TTC29: variants seen among roughly 807,000 people sequenced by gnomAD.
TTC29 encodes tetratricopeptide repeat protein 29.
Under a neutral mutation model 58.1 loss-of-function variants are expected in TTC29, and 49 were observed. That is an observed-to-expected ratio of 0.84 (90% CI 0.67 to 1.07). The LOEUF is 1.07. TTC29 is among the 50% of genes least tolerant of loss of function. The probability of loss-of-function intolerance (pLI) is 0.00; values close to 1 mark genes in which losing one functional copy is unlikely to be tolerated. For synonymous variants in TTC29, 209 were observed against 196.8 expected (o/e 1.06, Z -0.52); for missense variants, 582 against 555.6 (o/e 1.05, Z -0.48).
intron 11 of TTC29, among the ~76,000 whole-genome samples, chr4:146,745,457 C>T (rs1334508656): frequency 6.6e-6 from 1 of 152,130 alleles, no homozygotes; most frequent in Non-Finnish European, 1.5e-5. Flanking sequence ...TGGTTCTCTG[C>T]AGGGTGCAGC....
chr4:146,759,506 C>T (rs1365793634), intron 11 of TTC29, among the ~76,000 whole-genome samples: 2 of 152,058 alleles, frequency 1.3e-5, no homozygotes, highest in Admixed American at 6.6e-5. Flanking sequence ...AGACTGATAT[C>T]CTTGACGAAT....
intron 11 of TTC29, among the ~76,000 whole-genome samples, chr4:146,760,287 A>G (rs1323704790): frequency 1.3e-5 from 2 of 152,102 alleles, no homozygotes; most frequent in Non-Finnish European, 1.5e-5. Flanking sequence ...GAAATCATAG[A>G]TGATACAAAC....
At chr4:146,919,707 G>T (rs1734460048) in intron 4 of TTC29, among the ~76,000 whole-genome samples, 1 of 150,876 alleles carries the variant, frequency 6.6e-6, no homozygotes. Flanking sequence ...AAATTTTATT[G>T]TTTGGAAAAC....
chr4:146,875,237 A>G (rs1205254229), intron 6 of TTC29, among the ~76,000 whole-genome samples: 1 of 152,168 alleles, frequency 6.6e-6, no homozygotes. Context: ...ATATTGGCTA[A>G]TATTTCTTTA....
rs537752722 is a variant in TTC29, at chr4:146,714,455, T to C, written c.1331-6904A>G. ...CAGCCTAATAGACATTTACTGGCAT[T>C]ATAAAAAGGAGATTGAGAAAGAATT... On this transcript the variant is annotated intron_variant, in intron 11 of 12. Coordinates refer to ENST00000325106, the MANE Select transcript of TTC29 (RefSeq NM_031956.4). Among the ~76,000 whole-genome samples, 7 of 152,100 alleles carry C rather than the reference T, an allele frequency of 4.6e-5. No individual in the cohort carries two copies. In the East Asian group the frequency reaches 1.4e-3, roughly 29 times the overall value.
chr4:146,891,546 C>A (rs1732364023), intron 6 of TTC29, among the ~76,000 whole-genome samples: 1 of 152,120 alleles, frequency 6.6e-6, no homozygotes, highest in Admixed American at 6.6e-5. Flanking sequence ...ATGTTGAAAC[C>A]ATCACCATCA....
intron 11 of TTC29, among the ~76,000 whole-genome samples, chr4:146,740,394 A>G (rs148077289): frequency 1.3e-5 from 2 of 152,334 alleles, no homozygotes; most frequent in African/African-American, 4.8e-5. Context: ...TGGAAAATAG[A>G]TAACAGGGAA....
chr4:146,739,849 C>T (rs1049310957), intron 11 of TTC29, among the ~76,000 whole-genome samples: 1 of 152,156 alleles, frequency 6.6e-6, no homozygotes, highest in Admixed American at 6.5e-5. Context: ...GATTTGTCTT[C>T]TCTCTGTTTG....
intron 11 of TTC29, among the ~76,000 whole-genome samples, chr4:146,750,863 C>T (rs189258393): frequency 2.8e-4 from 42 of 152,212 alleles, no homozygotes; most frequent in Middle Eastern, 3.4e-3. Context: ...TAAGTCTTTA[C>T]CTATATCGAT....
chr4:146,940,002 G>C lies in TTC29; in HGVS notation c.-6-101C>G, dbSNP rs187879020. The C allele has an allele frequency of 1.9e-5, 22 of 1,142,262 alleles. No homozygotes were observed. In the African/African-American group the frequency reaches 2.7e-4, roughly 14 times the overall value. 70.8% of individuals were successfully genotyped at this position (1,142,262 alleles called of 1,614,324 possible). A position where few individuals can be genotyped will look rare whatever the true frequency, so the allele number is the denominator to read the frequency against. On this transcript the variant is annotated intron_variant, in intron 2 of 12. Coordinates refer to ENST00000325106, the MANE Select transcript of TTC29 (RefSeq NM_031956.4). ...ATTTACAGTCTGTCATCTTAGTTGA[G>C]AATGCCTATGTGTAGTGCTACAGCT...
chr4:146,810,869 A>ATGTTT (rs10625154), intron 10 of TTC29, among the ~76,000 whole-genome samples: 9,349 of 151,930 alleles, frequency 0.062, 386 homozygotes, highest in Admixed American at 0.13. Flanking sequence ...TGGGATTACT[A>ATGTTT]TGTTTTGTTT....
chr4:146,741,913 AG>A (rs1745182552), intron 11 of TTC29, among the ~76,000 whole-genome samples: 1 of 152,212 alleles, frequency 6.6e-6, no homozygotes, highest in South Asian at 2.1e-4. Flanking sequence ...AGAACTTATC[AG>A]ATTCTACTAG....
intron 8 of TTC29, among the ~76,000 whole-genome samples, chr4:146,865,516 C>T (rs541230448): frequency 3.8e-4 from 58 of 152,198 alleles, no homozygotes; most frequent in African/African-American, 1.3e-3. Flanking sequence ...CAATAGACGA[C>T]TAGAGGGAGG....
chr4:146,942,499 T>G, intron 2 of TTC29: 1 of 716,812 alleles, frequency 1.4e-6, no homozygotes, highest in Non-Finnish European at 2.2e-6. Flanking sequence ...GGCAGCATCA[T>G]ACAGAGCATA....
intron 6 of TTC29, among the ~76,000 whole-genome samples, chr4:146,881,945 G>T (rs187752638): frequency 6.6e-6 from 1 of 151,996 alleles, no homozygotes; most frequent in African/African-American, 2.4e-5. Flanking sequence ...GTTTAAAAAC[G>T]GAATCCTCTC....
At chr4:146,846,023 C>A (rs1296637009) in intron 8 of TTC29, among the ~76,000 whole-genome samples, 8 of 152,050 alleles carry the variant, frequency 5.3e-5, no homozygotes, top group Non-Finnish European at 7.4e-5. Context: ...TATTGTAGAG[C>A]CCTTGGGAGG....
At chr4:146,751,631 A>C (rs1451882547) in intron 11 of TTC29, among the ~76,000 whole-genome samples, 1 of 152,232 alleles carries the variant, frequency 6.6e-6, no homozygotes, top group Non-Finnish European at 1.5e-5. Flanking sequence ...GGGTAATTAA[A>C]AATACGCCAA....
At chr4:146,781,500 G>A (rs902159906) in intron 11 of TTC29, among the ~76,000 whole-genome samples, 1 of 151,876 alleles carries the variant, frequency 6.6e-6, no homozygotes, top group African/African-American at 2.4e-5. Context: ...TAATTTTATA[G>A]TGTAAGATTA....
At position 146,760,178 on chromosome 4, in the gene TTC29, C is replaced by A. The variant is rs193289589; in HGVS notation, c.1330+43279G>T. ...AGAGATTCAAATTGAGAACTCACCC[C>A]CTTTTACAACAGCTGCAAAAAATTT... On this transcript the variant is annotated intron_variant, in intron 11 of 12. Transcript: ENST00000325106. Among the ~76,000 whole-genome samples, 5 of 152,040 alleles carry A rather than the reference C, an allele frequency of 3.3e-5. No individual in the cohort carries two copies. In the East Asian group the frequency reaches 7.7e-4, roughly 24 times the overall value.
Sources: gnomAD v4.1 joint callset for allele counts (sites outside exome capture counted in the v4.1 genomes callset) on GRCh38, gnomAD v4.1.1 for gene constraint, MANE v1.5 for transcripts, NCBI Gene and HGNC (gene_info 2026-07-23, HGNC 2026-07-21) for gene names.